PTRH1: variants seen among roughly 807,000 people sequenced by gnomAD.
The protein encoded by PTRH1 is peptidyl-tRNA hydrolase 1 homolog.
Under a neutral mutation model 15.7 loss-of-function variants are expected in PTRH1, and 13 were observed. That is an observed-to-expected ratio of 0.83 (90% CI 0.54 to 1.31). The LOEUF is 1.31. Among genes scored for constraint, PTRH1 ranks in the 40% most tolerant of loss-of-function variants. The pLI is 0.00. For synonymous variants in PTRH1, 139 were observed against 136.7 expected, an observed-to-expected ratio of 1.02 and a Z score of -0.12; for missense variants, 319 against 296.2, an observed-to-expected ratio of 1.08 and a Z score of -0.56.
chr9:127,702,620 C>T (rs1442686485), intron 1 of PTRH1, among the ~76,000 whole-genome samples: 1 of 152,188 alleles, frequency 6.6e-6, no homozygotes, highest in Non-Finnish European at 1.5e-5. Flanking sequence ...TCACCACAAC[C>T]ATTTGTTGCG....
downstream of PTRH1, chr9:127,709,410 C>T: frequency 6.2e-7 from 1 of 1,611,580 alleles, no homozygotes. The surrounding 1 kb of genome is among the most constrained non-coding windows in gnomAD (Gnocchi z 4.7). Flanking sequence ...CACGGCTCTG[C>T]CCCTGCCCCA....
Position 127,705,154 on chromosome 9 carries a change from C to T in PTRH1, c.206-10013G>A, listed in dbSNP as rs1466654516. Among the ~76,000 whole-genome samples, 2 of 152,144 alleles carry T rather than the reference C, an allele frequency of 1.3e-5. No homozygotes were observed. Among genetic ancestry groups the T allele is most frequent in the African/African-American group, 4.8e-5 (2 of 41,414 alleles). On this transcript the variant is annotated intron_variant, in intron 1 of 2. Transcript: ENST00000335223. This position sits in a 1 kb window ranked among gnomAD's most constrained non-coding sequence, Gnocchi z 4.7. ...GTGCCCCAGGCCACTGTCCACTGTC[C>T]TTGGCCGGTGCTGCAGTCTGCATGG...
At chr9:127,697,723 T>C (rs1842572741) in intron 1 of PTRH1, among the ~76,000 whole-genome samples, 1 of 152,166 alleles carries the variant, frequency 6.6e-6, no homozygotes, top group Admixed American at 6.5e-5. Context: ...TGGTGGGAAG[T>C]GTCCGTGGCA....
At chr9:127,699,001 A>G (rs2131576492) in intron 1 of PTRH1, among the ~76,000 whole-genome samples, 1 of 151,550 alleles carries the variant, frequency 6.6e-6, no homozygotes, top group East Asian at 2.0e-4. Flanking sequence ...CCCGGGTTCA[A>G]GCGATCCTCC....
In PTRH1 at chr9:127,694,881, CAGA is replaced by C. The variant is rs533406624; in HGVS notation, c.420+43_420+45del. Reference sequence around the variant, plus strand: ...TTCCATCTCTTCTGGGTACAGGAAGCAGAAGGCCAGAGTGGTTAGGAGCACAGA... The same window carrying C: ...TTCCATCTCTTCTGGGTACAGGAAGCAGGCCAGAGTGGTTAGGAGCACAGA... On this transcript the variant is annotated intron_variant, in intron 2 of 2. Coordinates refer to the PTRH1 transcript ENST00000335223. 3.7e-3 allele frequency: 2,454 copies of C among 664,634 alleles called. 8 individuals carry two copies. The highest frequency in any genetic ancestry group is 5.3e-3 in the Non-Finnish European group (1,904 of 360,614). The allele number at this position is 664,634 out of a possible 1,614,324, so 41.2% of individuals were successfully genotyped here. A position where few individuals can be genotyped will look rare whatever the true frequency, so the allele number is the denominator to read the frequency against.
intron 1 of PTRH1, among the ~76,000 whole-genome samples, chr9:127,698,806 A>G (rs987189046): frequency 2.6e-5 from 4 of 152,212 alleles, no homozygotes; most frequent in African/African-American, 9.7e-5. Flanking sequence ...GTCTGTTTCT[A>G]AGAAAAACAA....
At chr9:127,702,103 G>T (rs1842607610) in intron 1 of PTRH1, among the ~76,000 whole-genome samples, 3 of 152,052 alleles carry the variant, frequency 2.0e-5, no homozygotes, top group Admixed American at 2.0e-4. Context: ...GCTGGGCGTG[G>T]TGGCTCATGC....
downstream of PTRH1, chr9:127,713,070 C>G: frequency 6.2e-7 from 1 of 1,613,998 alleles, no homozygotes; most frequent in South Asian, 1.1e-5. Flanking sequence ...CCGCAGCTCT[C>G]TGACATCACC....
At chr9:127,709,806 G>A (rs1265917920), downstream of PTRH1, 2 of 1,197,716 alleles carry the variant, frequency 1.7e-6, no homozygotes, top group Admixed American at 2.5e-5. The surrounding 1 kb of genome is among the most constrained non-coding windows in gnomAD (Gnocchi z 4.7). Flanking sequence ...GGCACACACT[G>A]TCTTCCTTAA....
intron 1 of PTRH1, among the ~76,000 whole-genome samples, chr9:127,698,223 C>T (rs920213654): frequency 6.6e-6 from 1 of 151,932 alleles, no homozygotes; most frequent in African/African-American, 2.4e-5. Flanking sequence ...AGCAAGACCC[C>T]GAATCTATTT....
At chr9:127,709,482 G>A, downstream of PTRH1, 1 of 1,614,038 alleles carries the variant, frequency 6.2e-7, no homozygotes, top group Non-Finnish European at 8.5e-7. The surrounding 1 kb of genome is among the most constrained non-coding windows in gnomAD (Gnocchi z 4.7). Context: ...AGGAGTTTGA[G>A]CAGCTGGCCA....
Position 127,713,972 on chromosome 9 carries a change from G to C in PTRH1, c.*128C>G. Reference sequence around the variant, plus strand: ...GTCACAGTCACCCCCACTTTAATCCGCAGGCAGCCTGGAACAGTCTAGAGG... The same window carrying C: ...GTCACAGTCACCCCCACTTTAATCCCCAGGCAGCCTGGAACAGTCTAGAGG... On this transcript the variant is annotated 3_prime_UTR_variant, in exon 5 of 5. Transcript: ENST00000543175. 1 of 1,577,980 alleles carries C rather than the reference G, an allele frequency of 6.3e-7. No individual in the cohort carries two copies. Among genetic ancestry groups the C allele is most frequent in the Non-Finnish European group, 8.7e-7 (1 of 1,147,658 alleles).
downstream of PTRH1, among the ~76,000 whole-genome samples, chr9:127,710,250 T>C (rs1444568438): frequency 3.5e-5 from 5 of 141,136 alleles, no homozygotes; most frequent in African/African-American, 1.1e-4. Flanking sequence ...GCCACTGCAC[T>C]CCAGCCTGAG....
chr9:127,712,089 G>A (rs557979214), downstream of PTRH1: 149 of 1,514,626 alleles, frequency 9.8e-5, no homozygotes, highest in East Asian at 2.9e-3. Context: ...GGCTTGGGGC[G>A]GGATGGGGGC....
At chr9:127,709,368 G>C (rs1842711836), downstream of PTRH1, 6 of 1,576,810 alleles carry the variant, frequency 3.8e-6, no homozygotes, top group Non-Finnish European at 5.2e-6. The surrounding 1 kb of genome is among the most constrained non-coding windows in gnomAD (Gnocchi z 4.7). Flanking sequence ...AGCTGCACCA[G>C]AGGCCTGGCT....
At chr9:127,699,996 C>T (rs1263027860) in intron 1 of PTRH1, among the ~76,000 whole-genome samples, 3 of 151,986 alleles carry the variant, frequency 2.0e-5, no homozygotes, top group Non-Finnish European at 2.9e-5. Context: ...GCCTGGCCAA[C>T]ACGGTGAAAC....
downstream of PTRH1, chr9:127,709,710 C>A (rs745604179): frequency 6.2e-7 from 1 of 1,606,986 alleles, no homozygotes; most frequent in Non-Finnish European, 8.5e-7. This position sits in a 1 kb window ranked among gnomAD's most constrained non-coding sequence, Gnocchi z 4.7. Flanking sequence ...AGGGGACTGG[C>A]TGGTGAGCCT....
intron 1 of PTRH1, chr9:127,707,157 C>T: frequency 3.7e-6 from 6 of 1,613,498 alleles, no homozygotes; most frequent in Non-Finnish European, 5.1e-6. Flanking sequence ...AGTTCTACCA[C>T]ATCCAGATCC....
rs566703169 is a variant in PTRH1, at chr9:127,715,561, G to C, written c.79C>G (p.Pro27Ala). The change falls in exon 1 of 5, where the codon CCG (proline) becomes GCG (alanine). Residue 27 changes from proline (P) to alanine (A), a missense_variant. Pro to Ala is a conservative substitution (Grantham distance 27). Coordinates refer to ENST00000543175, the MANE Select transcript of PTRH1 (RefSeq NM_001002913.3). The surrounding 1 kb of genome is among the most constrained non-coding windows in gnomAD (Gnocchi z 5.8). Reference sequence around the variant, plus strand: ...CCACTCACCATCCACCGCTTCCCCGGGGGGCGAGGCTCCAAAACACATCGG... The same window carrying C: ...CCACTCACCATCCACCGCTTCCCCGCGGGGCGAGGCTCCAAAACACATCGG... ...MSRCVLEPRP[P>A]GKRWMVAGLG... 15 of 1,613,444 alleles carry C rather than the reference G, an allele frequency of 9.3e-6. No homozygotes were observed. The highest frequency in any genetic ancestry group is 4.4e-5 in the South Asian group (4 of 91,088).
Sources: allele counts gnomAD v4.1 joint callset (sites outside exome capture counted in the v4.1 genomes callset), GRCh38; gene constraint gnomAD v4.1.1; non-coding constraint Gnocchi (gnomAD v3.1); transcripts MANE v1.5; gene names NCBI Gene and HGNC (gene_info 2026-07-23, HGNC 2026-07-21).